The following WBP1L variants were observed in gnomAD, a reference collection of about 807,000 sequenced individuals.
WBP1L encodes the protein WW domain binding protein 1 like.
A neutral mutation model predicts 33.7 loss-of-function variants in WBP1L; 17 were observed. The observed-to-expected ratio is 0.50, with a 90% CI of 0.34 to 0.76. The LOEUF is 0.76. WBP1L is among the 30% of genes least tolerant of loss of function. WBP1L has a pLI of 0.01. For missense variants in WBP1L, 389 were observed against 469.4 expected (o/e 0.83, Z 1.58); for synonymous variants, 173 against 190.8 (o/e 0.91, Z 0.77).
chr10:102,761,265 A>G (rs4919671), intron 1 of WBP1L, among the ~76,000 whole-genome samples: 109,158 of 150,438 alleles, frequency 0.73, 39,756 homozygotes, highest in East Asian at 0.9. Context: ...TCAGCCTCTC[A>G]AGTAGCTGGG....
At chr10:102,767,661 C>T (rs1185855135) in intron 1 of WBP1L, among the ~76,000 whole-genome samples, 3 of 152,132 alleles carry the variant, frequency 2.0e-5, no homozygotes, top group Admixed American at 6.6e-5. Context: ...ACTGGGAAAG[C>T]CCCAAAGTTC....
chr10:102,812,156 A>G (rs1446265075), intron 3 of WBP1L, among the ~76,000 whole-genome samples: 9 of 152,240 alleles, frequency 5.9e-5, no homozygotes, highest in Non-Finnish European at 8.8e-5. Context: ...GAAGAAAAGT[A>G]GTTAAGAAGT....
intron 1 of WBP1L, among the ~76,000 whole-genome samples, chr10:102,753,700 C>T (rs921473023): frequency 6.6e-6 from 1 of 152,146 alleles, no homozygotes; most frequent in African/African-American, 2.4e-5. Context: ...GTCGTCTTCA[C>T]AGTGCCAAAG....
In WBP1L at chr10:102,763,876, C is replaced by T. The variant is rs374962349; in HGVS notation, c.90+19733C>T. Among the ~76,000 whole-genome samples, 170 of 152,192 alleles carry T rather than the reference C, an allele frequency of 1.1e-3. 3 individuals are homozygous for T. In the South Asian group the frequency reaches 0.033, roughly 30 times the overall value. ...TCATCCAGGCTGGAGTGCAGTGGCG[C>T]GATCTCGACTCACTGCAACCTCTGC... On this transcript the variant is annotated intron_variant, in intron 1 of 3. Coordinates refer to ENST00000448841, the MANE Select transcript of WBP1L (RefSeq NM_001083913.2).
intron 1 of WBP1L, among the ~76,000 whole-genome samples, chr10:102,789,117 G>A (rs530540539): frequency 5.3e-5 from 8 of 152,150 alleles, no homozygotes; most frequent in South Asian, 4.2e-4. Context: ...GCACAACCAC[G>A]CATGGCTAAT....
At chr10:102,772,262 T>TC (rs1421623260) in intron 1 of WBP1L, among the ~76,000 whole-genome samples, 2 of 116,176 alleles carry the variant, frequency 1.7e-5, no homozygotes, top group African/African-American at 6.7e-5. Context: ...CCGGCCTTTT[T>TC]TTTTTTTTTT....
At chr10:102,787,380 A>T (rs1329939629) in intron 1 of WBP1L, among the ~76,000 whole-genome samples, 1 of 151,934 alleles carries the variant, frequency 6.6e-6, no homozygotes, top group African/African-American at 2.4e-5. Context: ...TTGAGCCCAG[A>T]GTTTGAGACC....
At chr10:102,809,439 T>G (rs1214166518) in intron 2 of WBP1L, among the ~76,000 whole-genome samples, 1 of 152,008 alleles carries the variant, frequency 6.6e-6, no homozygotes, top group African/African-American at 2.4e-5. Flanking sequence ...TGGCGCAATC[T>G]TGGCTCACTA....
chr10:102,809,755 T>C (rs1200703662), intron 2 of WBP1L, 138 bp from the exon 3 acceptor site: 3 of 926,868 alleles, frequency 3.2e-6, no homozygotes, highest in Non-Finnish European at 4.9e-6. Context: ...ATGGCTTCAA[T>C]GTAAATTAAC....
At chr10:102,784,575 G>A (rs376030607) in intron 1 of WBP1L, among the ~76,000 whole-genome samples, 49 of 151,792 alleles carry the variant, frequency 3.2e-4, no homozygotes, top group African/African-American at 8.7e-4. Context: ...ACAGGCGCCC[G>A]CCACCACACC....
chr10:102,755,911 G>C (rs1173599017), intron 1 of WBP1L, among the ~76,000 whole-genome samples: 2 of 151,474 alleles, frequency 1.3e-5, no homozygotes, highest in South Asian at 2.1e-4. Flanking sequence ...CGGGCGTGGT[G>C]GTGGGTGCCT....
intron 1 of WBP1L, among the ~76,000 whole-genome samples, chr10:102,796,531 A>C (rs1355226205): frequency 6.6e-6 from 1 of 152,182 alleles, no homozygotes; most frequent in East Asian, 1.9e-4. Context: ...CCCAGAGAGG[A>C]GGAGCCGACC....
intron 1 of WBP1L, among the ~76,000 whole-genome samples, chr10:102,783,997 A>G (rs986981701): frequency 1.3e-5 from 2 of 152,142 alleles, no homozygotes; most frequent in African/African-American, 4.8e-5. Flanking sequence ...GAATTTTCAC[A>G]TTGGTTGTTC....
chr10:102,791,413 A>G (rs1843496346), intron 1 of WBP1L, among the ~76,000 whole-genome samples: 1 of 152,130 alleles, frequency 6.6e-6, no homozygotes, highest in African/African-American at 2.4e-5. Context: ...TGCTATAGCT[A>G]TAGCATCCCA....
chr10:102,768,293 T>C (rs1843138050), intron 1 of WBP1L, among the ~76,000 whole-genome samples: 1 of 151,830 alleles, frequency 6.6e-6, no homozygotes, highest in Non-Finnish European at 1.5e-5. Context: ...AGGCTGGTCT[T>C]GAACTCCTGA....
At chr10:102,746,886 A>G (rs1007517850) in intron 1 of WBP1L, among the ~76,000 whole-genome samples, 3 of 152,198 alleles carry the variant, frequency 2.0e-5, no homozygotes, top group African/African-American at 4.8e-5. Flanking sequence ...ACCATCAGAA[A>G]TAAATGATAC....
At chr10:102,773,757 G>A (rs571929815) in intron 1 of WBP1L, among the ~76,000 whole-genome samples, 24 of 152,052 alleles carry the variant, frequency 1.6e-4, no homozygotes, top group Middle Eastern at 3.4e-3. Flanking sequence ...TGAGTGTGGT[G>A]GCGTGGTGGC....
intron 1 of WBP1L, chr10:102,744,397 G>T: frequency 1.0e-6 from 1 of 985,398 alleles, no homozygotes. Flanking sequence ...TGGTTAGGTG[G>T]GCTGGGGTGA....
intron 1 of WBP1L, among the ~76,000 whole-genome samples, chr10:102,792,549 T>G (rs1843515529): frequency 6.6e-6 from 1 of 152,070 alleles, no homozygotes; most frequent in Non-Finnish European, 1.5e-5. Context: ...CTGCCTGCGA[T>G]GTTCTTCCCT....
Sources: allele counts gnomAD v4.1 joint callset (sites outside exome capture counted in the v4.1 genomes callset), GRCh38; gene constraint gnomAD v4.1.1; transcripts MANE v1.5; gene names NCBI Gene and HGNC (gene_info 2026-07-23, HGNC 2026-07-21).